The following ROBO2 variants were observed in gnomAD, a reference collection of about 807,000 sequenced individuals.
The protein encoded by ROBO2 is roundabout guidance receptor 2, also known as roundabout homolog 2.
A neutral mutation model predicts 160.8 loss-of-function variants in ROBO2; 53 were observed. That is an observed-to-expected ratio of 0.33 (90% CI 0.26 to 0.41). The LOEUF (loss-of-function observed/expected upper bound fraction) is 0.41. Among genes scored for constraint, ROBO2 ranks in the 10% least tolerant of loss-of-function variants. The probability of loss-of-function intolerance (pLI) is 1.00; values close to 1 mark genes in which losing one functional copy is unlikely to be tolerated. For synonymous variants in ROBO2, 664 were observed against 611.7 expected (o/e 1.09, Z -1.26); for missense variants, 1,577 against 1,722.4 (o/e 0.92, Z 1.49).
chr3:76,648,809 G>A lies in ROBO2; in HGVS notation c.110-449205G>A, dbSNP rs571964764. Among the ~76,000 whole-genome samples the A allele has an allele frequency of 9.9e-5, 15 of 151,988 alleles. No individual in the cohort carries two copies. In the South Asian group the frequency reaches 3.1e-3, roughly 32 times the overall value. On this transcript the variant is annotated intron_variant, in intron 2 of 26. Transcript: ENST00000487694. ...ATATCTTATAATAAGACTAGTTGAT[G>A]GCTTTTTAAGAAACTTAAGTGCAAT...
chr3:76,994,476 A>G (rs996958051), intron 2 of ROBO2, among the ~76,000 whole-genome samples: 2 of 152,226 alleles, frequency 1.3e-5, no homozygotes, highest in African/African-American at 4.8e-5. Context: ...AATGATTGCA[A>G]TGAGCAAACA....
intron 2 of ROBO2, among the ~76,000 whole-genome samples, chr3:76,711,768 A>G (rs1439503925): frequency 6.6e-6 from 1 of 152,122 alleles, no homozygotes; most frequent in East Asian, 1.9e-4. Flanking sequence ...CTCTTTCTGG[A>G]ATCTTTTTCT....
chr3:77,017,542 T>A (rs74441509), intron 2 of ROBO2, among the ~76,000 whole-genome samples: 2,889 of 152,238 alleles, frequency 0.019, 116 homozygotes, highest in African/African-American at 0.066. Flanking sequence ...TTTGAGAAAA[T>A]TTTAGGCTTT....
chr3:77,219,487 C>CTTTA (rs1314368807), intron 2 of ROBO2, among the ~76,000 whole-genome samples: 2 of 73,120 alleles, frequency 2.7e-5, no homozygotes, highest in East Asian at 4.2e-4. Flanking sequence ...TATATATAAT[C>CTTTA]TGTATATATA....
At chr3:77,213,813 T>A (rs182501376) in intron 2 of ROBO2, among the ~76,000 whole-genome samples, 2 of 152,336 alleles carry the variant, frequency 1.3e-5, no homozygotes, top group African/African-American at 4.8e-5. Context: ...AACATCTTTA[T>A]TTCTGCCTTC....
intron 2 of ROBO2, among the ~76,000 whole-genome samples, chr3:76,051,677 A>T (rs538046344): frequency 6.6e-6 from 1 of 152,276 alleles, no homozygotes; most frequent in East Asian, 1.9e-4. Context: ...AAATAAAATA[A>T]AAACAATAAA....
chr3:76,174,701 T>C (rs944156884), intron 2 of ROBO2, among the ~76,000 whole-genome samples: 6 of 152,120 alleles, frequency 3.9e-5, no homozygotes, highest in East Asian at 1.9e-4. Context: ...CTGAGGCCTC[T>C]GTTCTGTTCC....
chr3:76,041,852 C>T (rs1029089820), intron 2 of ROBO2, among the ~76,000 whole-genome samples: 16 of 151,858 alleles, frequency 1.1e-4, no homozygotes, highest in African/African-American at 1.7e-4. Context: ...TCTGTAATGG[C>T]GCAAACGCAT....
In ROBO2 at chr3:76,734,426, C is replaced by T. The variant is rs575491695; in HGVS notation, c.110-363588C>T. ...GTCTGCATATTATTAAACTGTTTAACGTTTTTGGTTAGTACTTTTACACAT... is the reference window on the plus strand; with the variant it reads ...GTCTGCATATTATTAAACTGTTTAATGTTTTTGGTTAGTACTTTTACACAT... On this transcript the variant is annotated intron_variant, in intron 2 of 26. Transcript: ENST00000487694. Among the ~76,000 whole-genome samples, 25 of 152,206 alleles carry T rather than the reference C, an allele frequency of 1.6e-4. No individual in the cohort carries two copies. In the South Asian group the frequency reaches 3.1e-3, roughly 19 times the overall value.
chr3:76,656,344 G>A (rs76921082), intron 2 of ROBO2, among the ~76,000 whole-genome samples: 3,231 of 151,996 alleles, frequency 0.021, 119 homozygotes, highest in African/African-American at 0.072. Flanking sequence ...TATATCCTTC[G>A]TTCCCTGTAA....
At chr3:77,191,811 A>G (rs1324810208) in intron 2 of ROBO2, among the ~76,000 whole-genome samples, 1 of 152,174 alleles carries the variant, frequency 6.6e-6, no homozygotes, top group Non-Finnish European at 1.5e-5. Flanking sequence ...AATGCATCTT[A>G]GTTTATTTGA....
At chr3:76,737,129 A>T (rs1486013098) in intron 2 of ROBO2, among the ~76,000 whole-genome samples, 1 of 152,202 alleles carries the variant, frequency 6.6e-6, no homozygotes, top group Non-Finnish European at 1.5e-5. Flanking sequence ...CATAGCTTCC[A>T]GATTGGAAAC....
intron 2 of ROBO2, among the ~76,000 whole-genome samples, chr3:76,724,744 A>G (rs902464368): frequency 1.3e-5 from 2 of 152,128 alleles, no homozygotes; most frequent in South Asian, 2.1e-4. Context: ...CAACCTATAA[A>G]TGTTACTTAT....
intron 2 of ROBO2, among the ~76,000 whole-genome samples, chr3:76,179,877 A>G (rs113042172): frequency 6.9e-4 from 105 of 152,212 alleles, no homozygotes; most frequent in African/African-American, 2.5e-3. Flanking sequence ...GGTGACTTCC[A>G]ATTTGTTTCA....
chr3:77,172,709 T>C (rs561669378), intron 2 of ROBO2, among the ~76,000 whole-genome samples: 1 of 152,210 alleles, frequency 6.6e-6, no homozygotes, highest in Non-Finnish European at 1.5e-5. Context: ...ATATGGAGGT[T>C]ATTTCTGGTT....
At chr3:77,491,854 G>T (rs1264339544) in intron 4 of ROBO2, among the ~76,000 whole-genome samples, 1 of 152,000 alleles carries the variant, frequency 6.6e-6, no homozygotes, top group Non-Finnish European at 1.5e-5. Context: ...CAAATTCTCT[G>T]GAGATATACA....
intron 2 of ROBO2, among the ~76,000 whole-genome samples, chr3:77,365,143 A>G (rs1432701848): frequency 1.8e-5 from 2 of 108,604 alleles, no homozygotes; most frequent in African/African-American, 6.1e-5. Flanking sequence ...GTGAGACTCC[A>G]TCTCAGGAAA....
intron 2 of ROBO2, among the ~76,000 whole-genome samples, chr3:77,412,646 G>A (rs1389580223): frequency 5.9e-5 from 9 of 152,196 alleles, no homozygotes. Context: ...CAAGCCCAGT[G>A]TTCTCTGAGT....
At chr3:77,344,489 G>A (rs1454608965) in intron 2 of ROBO2, among the ~76,000 whole-genome samples, 1 of 152,048 alleles carries the variant, frequency 6.6e-6, no homozygotes, top group African/African-American at 2.4e-5. Flanking sequence ...GCCCAAGAAA[G>A]CTCTCTAGTC....
Sources: gnomAD v4.1 joint callset for allele counts (sites outside exome capture counted in the v4.1 genomes callset) on GRCh38, gnomAD v4.1.1 for gene constraint, MANE v1.5 for transcripts, NCBI Gene and HGNC (gene_info 2026-07-23, HGNC 2026-07-21) for gene names.